The following DHX37 variants were observed in gnomAD, a reference collection of about 807,000 sequenced individuals.
DHX37 encodes probable ATP-dependent RNA helicase DHX37.
In DHX37, 52 loss-of-function variants were observed where a neutral mutation model predicts 134.3. The observed-to-expected ratio is 0.39, with a 90% CI of 0.31 to 0.49. The LOEUF (loss-of-function observed/expected upper bound fraction) is 0.49, where lower values mean the gene tolerates loss of function less well. DHX37 is among the 20% of genes least tolerant of loss of function. The pLI is 0.93. For synonymous variants in DHX37, 634 were observed against 670.7 expected (o/e 0.95, Z 0.85); for missense variants, 1,344 against 1,580.8 (o/e 0.85, Z 2.54).
rs933906685 is a variant in DHX37, at chr12:124,970,384, A to G, written c.1191+918T>C. ...AATTGTACATTTGAACAGATGAATGATATGAAATGTGAATCACAGCCCAAT... is the reference window on the plus strand; with the variant it reads ...AATTGTACATTTGAACAGATGAATGGTATGAAATGTGAATCACAGCCCAAT... On this transcript the variant is annotated intron_variant, in intron 8 of 26. Coordinates refer to ENST00000308736, the MANE Select transcript of DHX37 (RefSeq NM_032656.4). 7.5e-4 allele frequency among the ~76,000 whole-genome samples: 115 copies of G among 152,358 alleles called. 1 individual carries two copies. The highest frequency in any genetic ancestry group is 2.6e-3 in the African/African-American group (107 of 41,584).
At chr12:124,970,366 C>T (rs1036305097) in intron 8 of DHX37, among the ~76,000 whole-genome samples, 1 of 152,236 alleles carries the variant, frequency 6.6e-6, no homozygotes, top group Non-Finnish European at 1.5e-5. Flanking sequence ...CTGAATTGTA[C>T]ATTTGAACAG....
At chr12:124,965,602 G>A in intron 13 of DHX37, 66 bp downstream of exon 13, 1 of 1,475,970 alleles carries the variant, frequency 6.8e-7, no homozygotes, top group Non-Finnish European at 9.0e-7. Flanking sequence ...GGGCCCACAA[G>A]GGCTCTGGGC....
Position 124,950,463 on chromosome 12 carries a change from G to T in DHX37, c.3071C>A (p.Thr1024Lys). Residue 1024 changes from threonine (T) to lysine (K), a missense_variant, in exon 23 of 27, where the codon ACA (threonine) becomes AAA (lysine). Physicochemically the swap from Thr to Lys is moderately conservative, Grantham distance 78. This residue lies in a region of DHX37 where 558 missense variants were observed against 650.0 expected (regional missense o/e 0.86). Transcript: ENST00000308736. The stretch of plus-strand genomic sequence containing the variant: ...CACCCGCCCCCGCTCGGGGCAGTAT[G>T]TAGGGGCTGGTTCCTCCAGGGGCTT... ...FDKPLEEPAP[T>K]YCPERGRVLC... is the part of the protein sequence containing the mutation. The T allele has an allele frequency of 6.3e-7, 1 of 1,586,990 alleles. No homozygotes were observed. The highest frequency in any genetic ancestry group is 8.6e-7 in the Non-Finnish European group (1 of 1,166,404).
At chr12:124,956,549 C>T in intron 18 of DHX37, 142 bp downstream of exon 18, 2 of 1,045,964 alleles carry the variant, frequency 1.9e-6, no homozygotes, top group Non-Finnish European at 2.6e-6. Flanking sequence ...AGTGCAGTTG[C>T]ACAATCTCAG....
chr12:124,966,619 C>T (rs1342729232), intron 12 of DHX37, among the ~76,000 whole-genome samples, 174 bp downstream of exon 12: 1 of 152,240 alleles, frequency 6.6e-6, no homozygotes, highest in Non-Finnish European at 1.5e-5. Context: ...CCACCTTGGC[C>T]TCCCAAAGTG....
chr12:124,973,012 T>C (rs1486166843), intron 6 of DHX37, among the ~76,000 whole-genome samples: 1 of 152,232 alleles, frequency 6.6e-6, no homozygotes, highest in Non-Finnish European at 1.5e-5. Context: ...TGTGGTGGTG[T>C]GCACCTGTAG....
rs755379720 is a variant in DHX37 at position 124,950,220 on chromosome 12, C to T, written c.3145G>A (p.Ala1049Thr). Residue 1049 changes from alanine (A) to threonine (T), a missense_variant, in exon 24 of 27, where the codon GCC (alanine) becomes ACC (threonine). Physicochemically the swap from Ala to Thr is moderately conservative, Grantham distance 58. Coordinates refer to ENST00000308736, the MANE Select transcript of DHX37 (RefSeq NM_032656.4). ...CCCTCTGGAAAATCCACCTCGATGG[C>T]GGGGAGCGGCCAGCCCACGCGATCT... ...VFYRVGWPLP[A>T]IEVDFPEGID... 5.7e-5 allele frequency: 92 copies of T among 1,613,728 alleles called. No homozygotes were observed. Among genetic ancestry groups the T allele is most frequent in the East Asian group, 2.0e-4 (9 of 44,892 alleles).
chr12:124,947,551 A>T lies in DHX37; in HGVS notation c.*251T>A, dbSNP rs745614891. 3.3e-5 allele frequency: 16 copies of T among 491,102 alleles called. No homozygotes were observed. Among genetic ancestry groups the T allele is most frequent in the Non-Finnish European group, 5.0e-5 (14 of 277,312 alleles). 30.4% of individuals were successfully genotyped at this position (491,102 alleles called of 1,614,324 possible). A position where few individuals can be genotyped will look rare whatever the true frequency, so the allele number is the denominator to read the frequency against. On this transcript the variant is annotated 3_prime_UTR_variant, in exon 27 of 27. Transcript: ENST00000308736. ...GAGCACACTGAACAGAACAGCGTCC[A>T]GCACGTGAGATGAAATCATCATCCA...
intron 10 of DHX37, 123 bp from the exon 11 acceptor site, chr12:124,967,341 T>C: frequency 9.5e-7 from 1 of 1,050,762 alleles, no homozygotes; most frequent in Non-Finnish European, 1.4e-6. Context: ...AGGACAGGAG[T>C]ACACAGACAT....
chr12:124,979,358 G>A (rs1594508597), intron 4 of DHX37, among the ~76,000 whole-genome samples: 1 of 152,250 alleles, frequency 6.6e-6, no homozygotes, highest in East Asian at 1.9e-4. Context: ...GACAGAGTGA[G>A]ACCCTGTTTC....
rs775521507 is a variant in DHX37, at chr12:124,989,003, C to G, written c.20G>C (p.Arg7Pro). Residue 7 changes from arginine to proline, a missense_variant, in exon 1 of 27, where the codon CGC becomes CCC. Physicochemically the swap from Arg to Pro is moderately radical, Grantham distance 103. Coordinates refer to ENST00000308736, the MANE Select transcript of DHX37 (RefSeq NM_032656.4). ...CTGCTGGCGCCCCTTGATGTTGTAG[C>G]GCCGGCGCAGCTTCCCCATGGCGAC... is the stretch of plus-strand genomic sequence containing the variant. The part of the protein sequence containing the change: MGKLRR[R>P]YNIKGRQQAG... The G allele has an allele frequency of 2.2e-6, 3 of 1,369,404 alleles. No individual in the cohort carries two copies. The highest frequency in any genetic ancestry group is 2.8e-6 in the Non-Finnish European group (3 of 1,053,762). The allele number at this position is 1,369,404 out of a possible 1,614,324, so 84.8% of individuals were successfully genotyped here. A position where few individuals can be genotyped will look rare whatever the true frequency, so the allele number is the denominator to read the frequency against.
Position 124,954,160 on chromosome 12 carries a change from C to T in DHX37, c.2505G>A (p.Arg835=), listed in dbSNP as rs573793703. Residue 835 remains arginine (R), a synonymous_variant, in exon 19 of 27, where the codon CGG becomes CGA. Coordinates refer to ENST00000308736, the MANE Select transcript of DHX37 (RefSeq NM_032656.4). The part of the protein sequence containing the change: ...ELTRLKSKRA[R]VAQMKRTWAG... ...CCCAGGTCCTCTTCATCTGGGCCAC[C>T]CGGGCCCGCTTGCTCTTCAGCCTGG... 2 of 1,612,254 alleles carry T rather than the reference C, an allele frequency of 1.2e-6. No homozygotes were observed. The highest frequency in any genetic ancestry group is 2.7e-5 in the African/African-American group (2 of 74,972).
intron 9 of DHX37, 91 bp from the exon 10 acceptor site, chr12:124,968,739 G>T: frequency 6.2e-7 from 1 of 1,604,014 alleles, no homozygotes; most frequent in Non-Finnish European, 8.5e-7. Flanking sequence ...CCGAATCAAG[G>T]TTTCTAACAC....
At chr12:124,976,279 C>T (rs567217181) in intron 5 of DHX37, among the ~76,000 whole-genome samples, 5 of 152,324 alleles carry the variant, frequency 3.3e-5, no homozygotes, top group South Asian at 2.1e-4. Flanking sequence ...TCGCGTCCTT[C>T]GCTGTAATAT....
At chr12:124,982,399 C>A in intron 3 of DHX37, 112 bp downstream of exon 3, 1 of 1,405,348 alleles carries the variant, frequency 7.1e-7, no homozygotes. Flanking sequence ...ACTCAGGCCA[C>A]CATAAAGGTA....
At chr12:124,957,955 T>G (rs1050560976) in intron 16 of DHX37, among the ~76,000 whole-genome samples, 1 of 152,204 alleles carries the variant, frequency 6.6e-6, no homozygotes, top group African/African-American at 2.4e-5. Context: ...ACACCACGGA[T>G]GGAGCTTGAG....
In DHX37 at chr12:124,960,367, G is replaced by A. The variant is rs1295027810; in HGVS notation, c.2102C>T (p.Thr701Ile). ...DFEQFPPPEI[T>I]RRPVEDLILQ... ...GATTAAGTCTTCAACAGGCCTCCGG[G>A]TGATTTCTGGAGGAGGAAACTGCTC... The change falls in exon 16 of 27, where the codon ACC becomes ATC. Residue 701 changes from threonine to isoleucine, a missense_variant. Around this residue, in one of 7 missense-constraint regions of DHX37, gnomAD observed 558 missense variants for 650.0 expected, o/e 0.86. Transcript: ENST00000308736. 1 of 1,614,210 alleles carries A rather than the reference G, an allele frequency of 6.2e-7. No individual in the cohort carries two copies. The highest frequency in any genetic ancestry group is 1.3e-5 in the African/African-American group (1 of 75,066).
chr12:124,965,198 G>A (rs1443205422), intron 13 of DHX37, among the ~76,000 whole-genome samples, 192 bp from the exon 14 acceptor site: 1 of 152,196 alleles, frequency 6.6e-6, no homozygotes, highest in Non-Finnish European at 1.5e-5. Context: ...GGGCTCTCTT[G>A]TCTCTGCTGC....
chr12:124,975,464 A>G lies in DHX37; in HGVS notation c.935T>C (p.Val312Ala). 1 of 1,612,802 alleles carries G rather than the reference A, an allele frequency of 6.2e-7. No individual in the cohort carries two copies. Among genetic ancestry groups the G allele is most frequent in the Non-Finnish European group, 8.5e-7 (1 of 1,179,974 alleles). The change falls in exon 6 of 27, where the codon GTG (valine) becomes GCG (alanine). Residue 312 changes from valine to alanine, a missense_variant. By Grantham distance (64) the Val-to-Ala change is moderately conservative. Around this residue, in one of 7 missense-constraint regions of DHX37, gnomAD observed 32 missense variants for 28.9 expected, o/e 1.11. Transcript: ENST00000308736. ...GVTEPRRVAA[V>A]AMSQRVAKEM... is the part of the protein sequence containing the mutation. ...CTTGGCCACTCGCTGGGACATGGCCACGGCGGCCACTCGGCGGGGCTCCGT... is the reference window on the plus strand; with the variant it reads ...CTTGGCCACTCGCTGGGACATGGCCGCGGCGGCCACTCGGCGGGGCTCCGT...
Sources: gnomAD v4.1 joint callset for allele counts (sites outside exome capture counted in the v4.1 genomes callset) on GRCh38, gnomAD v4.1.1 for gene constraint, gnomAD v4.1.1 regional missense constraint, MANE v1.5 for transcripts, NCBI Gene and HGNC (gene_info 2026-07-23, HGNC 2026-07-21) for gene names.